Variants in RBFOX1 observed in about 807,000 individuals in gnomAD.
RBFOX1 encodes RNA binding fox-1 homolog 1.
A neutral mutation model predicts 57.7 loss-of-function variants in RBFOX1; 8 were observed. The observed-to-expected ratio is 0.14, with a 90% CI of 0.08 to 0.25. The LOEUF is 0.25. RBFOX1 is among the 10% of genes least tolerant of loss of function. RBFOX1 has a pLI of 1.00. For synonymous variants in RBFOX1, 326 were observed against 222.4 expected (o/e 1.47, Z -4.15); for missense variants, 611 against 548.5 (o/e 1.11, Z -1.14).
chr16:7,058,708 A>G (rs1159252225), intron 4 of RBFOX1, among the ~76,000 whole-genome samples: 1 of 152,184 alleles, frequency 6.6e-6, no homozygotes, highest in East Asian at 1.9e-4. Context: ...TTATTGTTGG[A>G]TATTAATGGA....
intron 3 of RBFOX1, among the ~76,000 whole-genome samples, chr16:5,718,495 A>T (rs1335957605): frequency 6.6e-6 from 1 of 152,260 alleles, no homozygotes; most frequent in East Asian, 1.9e-4. Context: ...AGCTCCATGA[A>T]GGCTGGGCTA....
chr16:6,115,439 G>C (rs2096487777), intron 1 of RBFOX1, among the ~76,000 whole-genome samples: 1 of 152,142 alleles, frequency 6.6e-6, no homozygotes. Flanking sequence ...GCCATATGCA[G>C]TAGTGAGGAT....
At chr16:6,846,737 T>G (rs1263656814) in intron 3 of RBFOX1, among the ~76,000 whole-genome samples, 2 of 152,186 alleles carry the variant, frequency 1.3e-5, no homozygotes, top group Admixed American at 1.3e-4. Context: ...CAACATGATC[T>G]GCTAACAAAA....
At chr16:7,405,670 C>G (rs557492622) in intron 4 of RBFOX1, among the ~76,000 whole-genome samples, 2 of 152,304 alleles carry the variant, frequency 1.3e-5, no homozygotes, top group South Asian at 2.1e-4. Flanking sequence ...CGGATCCAGG[C>G]TGCAACTCAG....
At chr16:5,898,963 T>G (rs374897809) in intron 4 of RBFOX1, among the ~76,000 whole-genome samples, 16 of 151,382 alleles carry the variant, frequency 1.1e-4, no homozygotes, top group African/African-American at 3.9e-4. Flanking sequence ...CGTGGGAGGT[T>G]GAGGTGAGAG....
intron 1 of RBFOX1, among the ~76,000 whole-genome samples, chr16:6,193,835 TCTC>T (rs2097162778): frequency 1.3e-5 from 2 of 152,166 alleles, no homozygotes; most frequent in African/African-American, 4.8e-5. Context: ...CTTCCTTCAT[TCTC>T]CTGGTAAACT....
At position 6,931,932 on chromosome 16, in the gene RBFOX1, G is replaced by A. The variant is rs977839282; in HGVS notation, c.-15-120125G>A. ...GGGAGGAGGCGAGGAGTAAGCAAGA[G>A]AACCAGGGGGCTGAAGTCATCCTTT... On this transcript the variant is annotated intron_variant, in intron 3 of 15. Transcript: ENST00000550418. Among the ~76,000 whole-genome samples, 20 of 152,116 alleles carry A rather than the reference G, an allele frequency of 1.3e-4. 1 individual carries two copies. The highest frequency in any genetic ancestry group is 1.0e-4 in the Non-Finnish European group (7 of 68,016).
chr16:6,611,235 C>G (rs552139822), intron 2 of RBFOX1, among the ~76,000 whole-genome samples: 1 of 152,162 alleles, frequency 6.6e-6, no homozygotes, highest in Non-Finnish European at 1.5e-5. Context: ...CAACCTCCGG[C>G]TCCCAGGTTC....
chr16:5,702,599 C>G (rs958779333), intron 3 of RBFOX1, among the ~76,000 whole-genome samples: 2 of 152,192 alleles, frequency 1.3e-5, no homozygotes, highest in Non-Finnish European at 1.5e-5. Context: ...TTATACTTCC[C>G]TGGTTGTTTT....
At chr16:7,364,759 TTC>T (rs1165364080) in intron 4 of RBFOX1, among the ~76,000 whole-genome samples, 1 of 152,180 alleles carries the variant, frequency 6.6e-6, no homozygotes, top group Non-Finnish European at 1.5e-5. Context: ...GCTAGTTGTG[TTC>T]TCTCTCTAAG....
At position 6,653,625 on chromosome 16, in the gene RBFOX1, G is replaced by A. The variant is rs558548224; in HGVS notation, c.-63-978G>A. Among the ~76,000 whole-genome samples the A allele has an allele frequency of 1.5e-4, 23 of 152,074 alleles. No homozygotes were observed. In the South Asian group the frequency reaches 3.7e-3, roughly 25 times the overall value. On this transcript the variant is annotated intron_variant, in intron 2 of 15. Transcript: ENST00000550418. ...GATGAGTGGAATGGTAGATGGATGG[G>A]TGGATGGATGGATGAATGGATGGAT...
At chr16:6,086,327 G>A (rs1022085030) in intron 1 of RBFOX1, among the ~76,000 whole-genome samples, 2 of 152,140 alleles carry the variant, frequency 1.3e-5, no homozygotes, top group Admixed American at 1.3e-4. Context: ...TGTTCACCCA[G>A]CCCCGTGCAT....
chr16:7,165,307 G>T (rs980668531), intron 4 of RBFOX1, among the ~76,000 whole-genome samples: 1 of 151,386 alleles, frequency 6.6e-6, no homozygotes, highest in Non-Finnish European at 1.5e-5. Flanking sequence ...CACAAGCCAT[G>T]CACCCTGGAA....
At chr16:6,164,879 G>C (rs1203066835) in intron 1 of RBFOX1, among the ~76,000 whole-genome samples, 1 of 152,136 alleles carries the variant, frequency 6.6e-6, no homozygotes, top group Non-Finnish European at 1.5e-5. Flanking sequence ...TACCATGTCA[G>C]AAATCACAGA....
At chr16:5,694,466 C>G (rs887774476) in intron 3 of RBFOX1, among the ~76,000 whole-genome samples, 3 of 152,166 alleles carry the variant, frequency 2.0e-5, no homozygotes, top group South Asian at 2.1e-4. Flanking sequence ...CCCACTTGGT[C>G]TATGAAATCG....
intron 1 of RBFOX1, among the ~76,000 whole-genome samples, chr16:6,193,188 C>A (rs769095865): frequency 6.6e-6 from 1 of 151,430 alleles, no homozygotes; most frequent in Non-Finnish European, 1.5e-5. Context: ...TTGAAAACCT[C>A]ATCCAAGGCT....
Position 5,381,213 on chromosome 16 carries a change from T to C in RBFOX1, c.220-86003T>C, listed in dbSNP as rs191078456. Among the ~76,000 whole-genome samples, 1,155 of 152,276 alleles carry C rather than the reference T, an allele frequency of 7.6e-3. 9 individuals are homozygous for C. The highest frequency in any genetic ancestry group is 0.018 in the Admixed American group (273 of 15,288). On this transcript the variant is annotated intron_variant, in intron 1 of 2. Transcript: ENST00000585867. ...TTTATCTGTATAGAGAGAGACTCAGTAAAAGGCAGGGCAGACCCTATGCCC... is the reference window on the plus strand; with the variant it reads ...TTTATCTGTATAGAGAGAGACTCAGCAAAAGGCAGGGCAGACCCTATGCCC...
chr16:5,836,676 G>C (rs57195906), intron 3 of RBFOX1, among the ~76,000 whole-genome samples: 1 of 152,060 alleles, frequency 6.6e-6, no homozygotes, highest in South Asian at 2.1e-4. Context: ...TCTTTGTTGC[G>C]GGGGAGCTGT....
intron 2 of RBFOX1, among the ~76,000 whole-genome samples, chr16:6,401,737 A>G (rs2093076743): frequency 6.6e-6 from 1 of 152,192 alleles, no homozygotes; most frequent in South Asian, 2.1e-4. Flanking sequence ...ATCAAAGTTT[A>G]AAGATAAGTT....
Sources: gnomAD v4.1 joint callset for allele counts (sites outside exome capture counted in the v4.1 genomes callset) on GRCh38, gnomAD v4.1.1 for gene constraint, MANE v1.5 for transcripts, NCBI Gene and HGNC (gene_info 2026-07-23, HGNC 2026-07-21) for gene names.